ATAD2B: variants seen among roughly 807,000 people sequenced by gnomAD.
The protein encoded by ATAD2B is ATPase family AAA domain containing 2B.
In ATAD2B, 40 loss-of-function variants were observed where a neutral mutation model predicts 167.6. The ratio of observed to expected loss-of-function variants is 0.24; its 90% CI spans 0.19 to 0.31. The LOEUF (loss-of-function observed/expected upper bound fraction) is 0.31, where lower values mean the gene tolerates loss of function less well. Among genes scored for constraint, ATAD2B ranks in the 10% least tolerant of loss-of-function variants. The pLI, the probability that ATAD2B is intolerant of heterozygous loss-of-function variation, is 1.00. For synonymous variants in ATAD2B, 579 were observed against 596.5 expected, an observed-to-expected ratio of 0.97 and a Z score of 0.43; for missense variants, 1,242 against 1,757.2, an observed-to-expected ratio of 0.71 and a Z score of 5.24.
intron 1 of ATAD2B, among the ~76,000 whole-genome samples, chr2:23,920,509 T>C (rs901679523): frequency 1.3e-5 from 2 of 152,230 alleles, no homozygotes; most frequent in Non-Finnish European, 2.9e-5. Context: ...CATTCATTCA[T>C]TTAACAGATA....
chr2:23,872,559 G>T, intron 8 of ATAD2B: 1 of 1,064,738 alleles, frequency 9.4e-7, no homozygotes, highest in East Asian at 2.4e-5. Context: ...TCACAGGAGG[G>T]TAGCTGATCC....
chr2:23,763,061 A>G (rs189206800), intron 23 of ATAD2B, among the ~76,000 whole-genome samples: 3 of 152,328 alleles, frequency 2.0e-5, no homozygotes, highest in Admixed American at 2.0e-4. Context: ...CTTACTTCAT[A>G]TCTCCAACTG....
intron 17 of ATAD2B, 125 bp downstream of exon 17, chr2:23,819,622 G>C: frequency 1.4e-6 from 1 of 724,814 alleles, no homozygotes; most frequent in Non-Finnish European, 2.0e-6. Flanking sequence ...TTCCAGAATT[G>C]TGTCCAAACA....
chr2:23,815,698 G>A (rs1273548269), intron 17 of ATAD2B, among the ~76,000 whole-genome samples: 1 of 152,114 alleles, frequency 6.6e-6, no homozygotes, highest in Non-Finnish European at 1.5e-5. Flanking sequence ...TGAGAGGATG[G>A]CAAAATTGAT....
At chr2:23,703,260 T>C in the ATAD2B span, 2 of 1,547,080 alleles carry the variant, frequency 1.3e-6, no homozygotes, top group Non-Finnish European at 1.7e-6. Context: ...GCAGCCACAG[T>C]GTGTGGCGGC....
chr2:23,796,197 C>T (rs879266592), intron 19 of ATAD2B, among the ~76,000 whole-genome samples: 2 of 152,086 alleles, frequency 1.3e-5, no homozygotes, highest in African/African-American at 2.4e-5. Context: ...CCCACAAATA[C>T]GATATCCACG....
the ATAD2B span, among the ~76,000 whole-genome samples, chr2:23,681,507 A>G: frequency 6.6e-6 from 1 of 152,176 alleles, no homozygotes; most frequent in Non-Finnish European, 1.5e-5. This position sits in a 1 kb window ranked among gnomAD's most constrained non-coding sequence, Gnocchi z 4.2. Flanking sequence ...GGGCCCAGAA[A>G]GAGTAGGCAT....
intron 1 of ATAD2B, among the ~76,000 whole-genome samples, chr2:23,896,570 C>G (rs1016415227): frequency 1.3e-5 from 2 of 152,100 alleles, no homozygotes; most frequent in Admixed American, 1.3e-4. Context: ...CACAATCCCT[C>G]AGACCCTCCT....
At chr2:23,865,374 C>T (rs1694983534) in intron 10 of ATAD2B, among the ~76,000 whole-genome samples, 1 of 151,880 alleles carries the variant, frequency 6.6e-6, no homozygotes. Flanking sequence ...ACTAAAAATA[C>T]AAAAATTAGC....
chr2:23,694,469 C>T, the ATAD2B span, among the ~76,000 whole-genome samples: 1 of 152,164 alleles, frequency 6.6e-6, no homozygotes, highest in African/African-American at 2.4e-5. Flanking sequence ...CCAGCCTGAG[C>T]GGTCTCTCTA....
In ATAD2B at chr2:23,781,413, C is replaced by T. The variant is rs139644033; in HGVS notation, c.3133+1456G>A. ...GGCACAGTGGCTCAGGCCTGTAATCCCAGCACTTTGGGAGACCGAGGCTGG... is the reference window on the plus strand; with the variant it reads ...GGCACAGTGGCTCAGGCCTGTAATCTCAGCACTTTGGGAGACCGAGGCTGG... On this transcript the variant is annotated intron_variant, in intron 22 of 27. Coordinates refer to ENST00000238789, the MANE Select transcript of ATAD2B (RefSeq NM_017552.4). Among the ~76,000 whole-genome samples, 500 of 151,748 alleles carry T rather than the reference C, an allele frequency of 3.3e-3. 4 individuals carry two copies. Among genetic ancestry groups the T allele is most frequent in the African/African-American group, 0.012 (486 of 41,436 alleles).
chr2:23,734,193 G>A, the ATAD2B span, among the ~76,000 whole-genome samples: 3 of 152,080 alleles, frequency 2.0e-5, no homozygotes, highest in East Asian at 3.9e-4. Flanking sequence ...AGTCTCGCTC[G>A]TCACCCAGGC....
chr2:23,714,239 CT>C, the ATAD2B span, among the ~76,000 whole-genome samples: 4,903 of 136,442 alleles, frequency 0.036, 75 homozygotes, highest in South Asian at 0.085. Flanking sequence ...TCTCAAAATA[CT>C]TTTTTTTTTT....
At chr2:23,722,598 A>G in the ATAD2B span, among the ~76,000 whole-genome samples, 1 of 152,144 alleles carries the variant, frequency 6.6e-6, no homozygotes, top group Non-Finnish European at 1.5e-5. Context: ...TAAGCAAACA[A>G]ATATTCATAT....
intron 13 of ATAD2B, among the ~76,000 whole-genome samples, chr2:23,851,139 T>C (rs545512358): frequency 1.2e-4 from 19 of 152,178 alleles, no homozygotes; most frequent in African/African-American, 4.3e-4. Context: ...AGCTACCCAG[T>C]TTTATAGAGA....
the ATAD2B span, chr2:23,703,478 A>G: frequency 2.6e-6 from 3 of 1,158,652 alleles, no homozygotes; most frequent in African/African-American, 4.7e-5. Flanking sequence ...TAAGCCCAAC[A>G]GCTCTGCAGA....
chr2:23,926,600 T>G lies in ATAD2B; in HGVS notation c.171A>C (p.Lys57Asn). ...KTRAASCPAA[K>N]AGGSGGAGVT... ...CGCCGGCGCCACCGCTTCCCCCGGCTTTGGCGGCGGGGCAGCTGGCGGCGC... is the reference window on the plus strand; with the variant it reads ...CGCCGGCGCCACCGCTTCCCCCGGCGTTGGCGGCGGGGCAGCTGGCGGCGC... Residue 57 changes from lysine (K) to asparagine (N), a missense_variant, in exon 1 of 28, where the codon AAA becomes AAC. Lys to Asn is a moderately conservative substitution (Grantham distance 94). Transcript: ENST00000238789. 1 of 1,563,964 alleles carries G rather than the reference T, an allele frequency of 6.4e-7. No homozygotes were observed. The highest frequency in any genetic ancestry group is 1.2e-5 in the South Asian group (1 of 85,062).
intron 2 of ATAD2B, among the ~76,000 whole-genome samples, chr2:23,893,948 G>A (rs978982274): frequency 7.9e-5 from 12 of 152,018 alleles, no homozygotes; most frequent in Admixed American, 4.6e-4. Context: ...ACAGGCATGA[G>A]CCACATGCCT....
chr2:23,897,489 T>C (rs983408991), intron 1 of ATAD2B, among the ~76,000 whole-genome samples: 1 of 152,230 alleles, frequency 6.6e-6, no homozygotes, highest in Admixed American at 6.5e-5. Context: ...ATAGTGATTA[T>C]CTAATTCCAT....
Sources: gnomAD v4.1 joint callset for allele counts (sites outside exome capture counted in the v4.1 genomes callset) on GRCh38, gnomAD v4.1.1 for gene constraint, Gnocchi (gnomAD v3.1) non-coding constraint, MANE v1.5 for transcripts, NCBI Gene and HGNC (gene_info 2026-07-23, HGNC 2026-07-21) for gene names.